Variants in SPEF2 observed in about 807,000 individuals in gnomAD.
SPEF2 encodes sperm flagellar and cilia associated 2.
SPEF2 carries 187 observed loss-of-function variants against 224.6 expected under a neutral mutation model. The ratio of observed to expected loss-of-function variants is 0.83; its 90% CI spans 0.74 to 0.94. The LOEUF (loss-of-function observed/expected upper bound fraction) is 0.94, where lower values mean the gene tolerates loss of function less well. SPEF2 is among the 40% of genes least tolerant of loss of function. The pLI, the probability that SPEF2 is intolerant of heterozygous loss-of-function variation, is 0.00. For synonymous variants in SPEF2, 715 were observed against 707.3 expected (o/e 1.01, Z -0.17); for missense variants, 2,170 against 2,135.6 (o/e 1.02, Z -0.32).
chr5:35,663,433 G>A (rs1441274830), intron 8 of SPEF2, among the ~76,000 whole-genome samples: 1 of 152,096 alleles, frequency 6.6e-6, no homozygotes. Context: ...CTTTTTCAAT[G>A]TTCCATAGCT....
At chr5:35,670,579 T>G in intron 10 of SPEF2, 5 of 991,350 alleles carry the variant, frequency 5.0e-6, no homozygotes, top group Non-Finnish European at 6.0e-6. Flanking sequence ...TTAAAAAGTA[T>G]TTCTTTTGTA....
intron 24 of SPEF2, among the ~76,000 whole-genome samples, chr5:35,754,551 G>C (rs1462063288): frequency 6.6e-6 from 1 of 152,228 alleles, no homozygotes; most frequent in Non-Finnish European, 1.5e-5. Context: ...CTGGGAGATA[G>C]AGTCCCTGTC....
At chr5:35,801,891 A>G (rs1022873777) in intron 34 of SPEF2, among the ~76,000 whole-genome samples, 1 of 152,188 alleles carries the variant, frequency 6.6e-6, no homozygotes, top group Non-Finnish European at 1.5e-5. Flanking sequence ...AAGTTGAGGC[A>G]AGGCCTGGTA....
intron 1 of SPEF2, among the ~76,000 whole-genome samples, chr5:35,628,200 T>G (rs1005072548): frequency 1.3e-5 from 2 of 152,184 alleles, no homozygotes; most frequent in Non-Finnish European, 2.9e-5. Context: ...AAAAAAAAAT[T>G]TTATCTGTTG....
chr5:35,771,498 A>G (rs1752853017), intron 26 of SPEF2, 111 bp from the exon 27 acceptor site: 1 of 1,369,770 alleles, frequency 7.3e-7, no homozygotes, highest in East Asian at 2.4e-5. Context: ...CGTGGGCACA[A>G]TTGTTTACAG....
intron 20 of SPEF2, among the ~76,000 whole-genome samples, chr5:35,725,331 T>A (rs1580460116): frequency 6.6e-6 from 1 of 152,346 alleles, no homozygotes; most frequent in South Asian, 2.1e-4. Context: ...TGTTAACTGA[T>A]CTGGTTTCTA....
At chr5:35,665,513 A>G (rs1402415498) in intron 8 of SPEF2, among the ~76,000 whole-genome samples, 1 of 152,118 alleles carries the variant, frequency 6.6e-6, no homozygotes, top group Non-Finnish European at 1.5e-5. Flanking sequence ...GGCAGCAACC[A>G]GGGTTGAAAG....
At chr5:35,807,367 A>G in intron 36 of SPEF2, 114 bp downstream of exon 36, 2 of 1,428,298 alleles carry the variant, frequency 1.4e-6, no homozygotes, top group Non-Finnish European at 1.9e-6. Context: ...CTGCCAGGCC[A>G]GGCCAGAATC....
At chr5:35,734,476 C>T (rs1746199577) in intron 21 of SPEF2, among the ~76,000 whole-genome samples, 1 of 145,568 alleles carries the variant, frequency 6.9e-6, no homozygotes, top group Non-Finnish European at 1.5e-5. Flanking sequence ...ATCACAAAAA[C>T]ATCTCATAAT....
At chr5:35,711,049 C>T (rs1048541554) in intron 19 of SPEF2, among the ~76,000 whole-genome samples, 84 of 152,250 alleles carry the variant, frequency 5.5e-4, no homozygotes, top group African/African-American at 1.9e-3. Flanking sequence ...GAGAGAGGAA[C>T]ATTTATCACA....
At chr5:35,789,552 C>G in intron 30 of SPEF2, 1 of 655,386 alleles carries the variant, frequency 1.5e-6, no homozygotes, top group Non-Finnish European at 2.7e-6. Flanking sequence ...TGGTAACTGC[C>G]TCAGAGGGAA....
intron 10 of SPEF2, among the ~76,000 whole-genome samples, chr5:35,672,403 C>T (rs946211617): frequency 1.2e-4 from 17 of 146,814 alleles, no homozygotes; most frequent in Non-Finnish European, 2.4e-4. Context: ...AATACATTTG[C>T]ATTAAAACTC....
intron 18 of SPEF2, among the ~76,000 whole-genome samples, chr5:35,706,730 AC>A (rs1315967891): frequency 1.1e-4 from 17 of 152,256 alleles, no homozygotes; most frequent in African/African-American, 3.6e-4. Context: ...ATAGACATAA[AC>A]CACAATCACC....
At chr5:35,797,660 GT>G (rs1300346620) in intron 33 of SPEF2, among the ~76,000 whole-genome samples, 7 of 152,126 alleles carry the variant, frequency 4.6e-5, no homozygotes, top group African/African-American at 1.7e-4. Context: ...AGCAAAACAG[GT>G]TAACTATACA....
chr5:35,659,861 C>T (rs1749467252), intron 8 of SPEF2, among the ~76,000 whole-genome samples: 2 of 150,794 alleles, frequency 1.3e-5, no homozygotes, highest in South Asian at 4.2e-4. Context: ...TTCAACTAGA[C>T]ACCATTAGTC....
At position 35,776,303 on chromosome 5, in the gene SPEF2, G is replaced by A; in HGVS notation, c.4125G>A (p.Leu1375=). 2 of 1,612,206 alleles carry A rather than the reference G, an allele frequency of 1.2e-6. No individual in the cohort carries two copies. Among genetic ancestry groups the A allele is most frequent in the Non-Finnish European group, 1.7e-6 (2 of 1,179,230 alleles). ...FRLELIKTKA[L]ALLEDLVTKV... is the part of the protein sequence containing the mutation. ...TTGAACTGATAAAGACAAAAGCATT[G>A]GCTCTTCTTGAAGATTTAGTAACAA... Residue 1375 remains leucine (L), a synonymous_variant, in exon 29 of 37, where the codon TTG becomes TTA. Coordinates refer to ENST00000356031, the MANE Select transcript of SPEF2 (RefSeq NM_024867.4).
chr5:35,635,948 G>A (rs1745772656), intron 2 of SPEF2, among the ~76,000 whole-genome samples: 1 of 151,938 alleles, frequency 6.6e-6, no homozygotes, highest in Admixed American at 6.6e-5. Context: ...ACTTCCCCAC[G>A]GAGTTTCTAT....
intron 3 of SPEF2, among the ~76,000 whole-genome samples, chr5:35,642,753 T>C (rs550262149): frequency 1.1e-3 from 169 of 152,236 alleles, no homozygotes; most frequent in Non-Finnish European, 1.7e-3. Context: ...ATGGATAGAA[T>C]TATATTTTTA....
At chr5:35,697,196 A>G (rs1379458026) in intron 14 of SPEF2, among the ~76,000 whole-genome samples, 1 of 152,216 alleles carries the variant, frequency 6.6e-6, no homozygotes, top group Non-Finnish European at 1.5e-5. Flanking sequence ...ACCTATAAAT[A>G]ACAAGTATAA....
Sources: gnomAD v4.1 joint callset for allele counts (sites outside exome capture counted in the v4.1 genomes callset) on GRCh38, gnomAD v4.1.1 for gene constraint, MANE v1.5 for transcripts, NCBI Gene and HGNC (gene_info 2026-07-23, HGNC 2026-07-21) for gene names.